Variants in DOCK4 observed in about 807,000 individuals in gnomAD.
The protein encoded by DOCK4 is dedicator of cytokinesis 4.
DOCK4 carries 97 observed loss-of-function variants against 268.1 expected under a neutral mutation model. The ratio of observed to expected loss-of-function variants is 0.36; its 90% CI spans 0.31 to 0.43. The LOEUF is 0.43. Ranked by LOEUF, DOCK4 falls within the 20% of genes least tolerant of loss-of-function variation. The pLI is 1.00. For synonymous variants in DOCK4, 954 were observed against 887.2 expected (o/e 1.08, Z -1.34); for missense variants, 2,145 against 2,455.7 (o/e 0.87, Z 2.67).
chr7:112,032,033 C>T (rs766787483), intron 1 of DOCK4, among the ~76,000 whole-genome samples: 7 of 152,242 alleles, frequency 4.6e-5, no homozygotes, highest in East Asian at 1.9e-4. Flanking sequence ...CAAGTACAAG[C>T]GCTGAATCCA....
chr7:111,795,955 G>A (rs940613853), intron 30 of DOCK4, among the ~76,000 whole-genome samples: 2 of 152,190 alleles, frequency 1.3e-5, no homozygotes, highest in East Asian at 1.9e-4. Context: ...GCTGTCCTAA[G>A]GCTGTCTCAG....
chr7:111,835,396 T>C (rs1803160829), intron 25 of DOCK4, among the ~76,000 whole-genome samples: 1 of 152,212 alleles, frequency 6.6e-6, no homozygotes, highest in African/African-American at 2.4e-5. Flanking sequence ...GCCATTCTTT[T>C]TGTGCTTGGG....
chr7:112,124,804 A>G (rs1272284507), intron 1 of DOCK4, among the ~76,000 whole-genome samples: 1 of 152,222 alleles, frequency 6.6e-6, no homozygotes, highest in Non-Finnish European at 1.5e-5. Context: ...CACTAAAGCA[A>G]TATGTTTACT....
chr7:112,174,822 A>G (rs905523222), intron 1 of DOCK4, among the ~76,000 whole-genome samples: 2 of 151,336 alleles, frequency 1.3e-5, no homozygotes, highest in Non-Finnish European at 2.9e-5. Flanking sequence ...TTTTCACTAG[A>G]TGATGTTTTA....
At chr7:111,969,610 C>G (rs1797538394) in intron 8 of DOCK4, among the ~76,000 whole-genome samples, 1 of 149,456 alleles carries the variant, frequency 6.7e-6, no homozygotes, top group Admixed American at 6.7e-5. Context: ...TGAATAGGTT[C>G]TGGAGAGTCT....
At chr7:111,739,724 A>T in intron 47 of DOCK4, 1 of 499,062 alleles carries the variant, frequency 2.0e-6, no homozygotes, top group Non-Finnish European at 3.6e-6. Flanking sequence ...ACTTCGTACC[A>T]GTTAGCAGTG....
chr7:111,731,567 T>C (rs567172416), intron 52 of DOCK4, among the ~76,000 whole-genome samples: 1 of 152,288 alleles, frequency 6.6e-6, no homozygotes, highest in African/African-American at 2.4e-5. Context: ...TTATTCTTTA[T>C]CTTCATGAGG....
intron 40 of DOCK4, 121 bp downstream of exon 40, chr7:111,760,060 G>C: frequency 2.5e-6 from 3 of 1,214,796 alleles, no homozygotes; most frequent in Non-Finnish European, 3.5e-6. Flanking sequence ...ATGGGAAAGA[G>C]GGAGCAGTAA....
At chr7:112,198,583 T>C (rs1820663024) in intron 1 of DOCK4, among the ~76,000 whole-genome samples, 1 of 152,208 alleles carries the variant, frequency 6.6e-6, no homozygotes, top group Non-Finnish European at 1.5e-5. Context: ...CCTCAGTTAC[T>C]GCAGTGCCTC....
chr7:111,953,523 C>T (rs914861121), intron 8 of DOCK4: 2 of 152,160 alleles, frequency 1.3e-5, no homozygotes, highest in Admixed American at 6.5e-5. Flanking sequence ...CTGTGGGAGA[C>T]CAGAATACGG....
At chr7:111,890,949 T>A (rs1808238659) in intron 16 of DOCK4, among the ~76,000 whole-genome samples, 1 of 152,162 alleles carries the variant, frequency 6.6e-6, no homozygotes. Context: ...TTAACGCAGT[T>A]TTTTTTCATC....
chr7:112,153,494 C>T (rs1351394270), intron 1 of DOCK4, among the ~76,000 whole-genome samples: 3 of 152,190 alleles, frequency 2.0e-5, no homozygotes, highest in Non-Finnish European at 2.9e-5. Context: ...TAAAATTGGA[C>T]AAATATAATA....
intron 1 of DOCK4, among the ~76,000 whole-genome samples, chr7:112,048,541 C>T (rs1004048174): frequency 4.6e-5 from 7 of 150,750 alleles, no homozygotes; most frequent in Admixed American, 6.6e-5. Context: ...CCAGCATGGG[C>T]GACGGAGTGA....
chr7:111,740,030 A>G (rs988263892), intron 47 of DOCK4: 27 of 360,210 alleles, frequency 7.5e-5, no homozygotes, highest in Non-Finnish European at 1.2e-4. Context: ...GTATAAAAAA[A>G]ATACCTTTGG....
At position 112,143,056 on chromosome 7, in the gene DOCK4, C is replaced by T. The variant is rs183694002; in HGVS notation, c.37+63046G>A. 1.5e-3 allele frequency among the ~76,000 whole-genome samples: 233 copies of T among 152,006 alleles called. 1 individual carries two copies. In the Middle Eastern group the frequency reaches 0.027, roughly 18 times the overall value. ...AATTTTATTATAATTATGTAAAATG[C>T]TTACACTGGGGGAAGTGGGTGAGTT... is the stretch of plus-strand genomic sequence containing the variant. On this transcript the variant is annotated intron_variant, in intron 1 of 52. Transcript: ENST00000428084.
At chr7:112,199,236 A>G (rs1820717709) in intron 1 of DOCK4, among the ~76,000 whole-genome samples, 2 of 152,184 alleles carry the variant, frequency 1.3e-5, no homozygotes, top group Non-Finnish European at 2.9e-5. Flanking sequence ...ATCCTCCTTC[A>G]TGAGGTATCA....
chr7:111,762,408 T>C, intron 39 of DOCK4, among the ~76,000 whole-genome samples: 1 of 152,214 alleles, frequency 6.6e-6, no homozygotes, highest in South Asian at 2.1e-4. Context: ...ACAATACTAC[T>C]TTTTGTTTCT....
chr7:111,889,867 A>G (rs1207919406), intron 16 of DOCK4, among the ~76,000 whole-genome samples: 2 of 152,132 alleles, frequency 1.3e-5, no homozygotes, highest in Non-Finnish European at 2.9e-5. Flanking sequence ...AAGCCAATAA[A>G]CCCCGCTACA....
At chr7:111,732,489 T>A in intron 51 of DOCK4, 1 of 598,706 alleles carries the variant, frequency 1.7e-6, no homozygotes, top group South Asian at 2.0e-5. Flanking sequence ...TGCCAAGATA[T>A]GGGAGCATCA....
Sources: gnomAD v4.1 joint callset for allele counts (sites outside exome capture counted in the v4.1 genomes callset) on GRCh38, gnomAD v4.1.1 for gene constraint, MANE v1.5 for transcripts, NCBI Gene and HGNC (gene_info 2026-07-23, HGNC 2026-07-21) for gene names.